The following HYCC2 variants were observed in gnomAD, a reference collection of about 807,000 sequenced individuals.
The protein encoded by HYCC2 is hyccin 2.
At chr2:200,987,043 A>G in the HYCC2 span, among the ~76,000 whole-genome samples, 1,219 of 152,354 alleles carry the variant, frequency 8.0e-3, 20 homozygotes, top group African/African-American at 0.028. Flanking sequence ...ATGTTAGAAT[A>G]AACATGCTCA....
chr2:201,042,259 T>C, the HYCC2 span, among the ~76,000 whole-genome samples: 1 of 152,056 alleles, frequency 6.6e-6, no homozygotes, highest in East Asian at 1.9e-4. Flanking sequence ...CACTCAATGC[T>C]CAATGTTGCC....
chr2:200,988,520 G>A, the HYCC2 span: 1 of 769,820 alleles, frequency 1.3e-6, no homozygotes, highest in Non-Finnish European at 2.0e-6. Context: ...TTTAAAATTT[G>A]CATTATAATG....
the HYCC2 span, chr2:200,997,471 G>A: frequency 6.2e-7 from 1 of 1,612,226 alleles, no homozygotes; most frequent in Non-Finnish European, 8.5e-7. Context: ...AAAGAGATTG[G>A]TAAGATGAGG....
the HYCC2 span, among the ~76,000 whole-genome samples, chr2:200,984,073 T>C: frequency 6.6e-6 from 1 of 152,058 alleles, no homozygotes; most frequent in Non-Finnish European, 1.5e-5. Flanking sequence ...AAGGTCTCAC[T>C]CTGTTGTATA....
chr2:200,995,017 AAAAG>A, the HYCC2 span, among the ~76,000 whole-genome samples: 4 of 151,944 alleles, frequency 2.6e-5, no homozygotes, highest in African/African-American at 2.4e-5. Flanking sequence ...AAAAAAAAAA[AAAAG>A]AAAGAAAAAA....
the HYCC2 span, among the ~76,000 whole-genome samples, chr2:201,007,922 G>A: frequency 6.6e-6 from 1 of 152,210 alleles, no homozygotes; most frequent in Non-Finnish European, 1.5e-5. Flanking sequence ...TTGATGCCAG[G>A]AGGGTAATGT....
At chr2:201,040,604 G>C in the HYCC2 span, among the ~76,000 whole-genome samples, 3 of 151,828 alleles carry the variant, frequency 2.0e-5, no homozygotes, top group Non-Finnish European at 2.9e-5. Flanking sequence ...TTCTGCCTCA[G>C]CCTCCGAGTA....
the HYCC2 span, chr2:201,063,588 A>G: frequency 6.3e-7 from 1 of 1,582,812 alleles, no homozygotes; most frequent in Non-Finnish European, 8.6e-7. Context: ...ATTCAGAAAT[A>G]CCACACTGTG....
chr2:201,005,692 T>C, the HYCC2 span, among the ~76,000 whole-genome samples: 1 of 152,222 alleles, frequency 6.6e-6, no homozygotes, highest in African/African-American at 2.4e-5. Context: ...AGGCACTTGC[T>C]AGCCAGTTTT....
chr2:201,041,938 T>C, the HYCC2 span, among the ~76,000 whole-genome samples: 49,603 of 151,920 alleles, frequency 0.33, 10,934 homozygotes, highest in African/African-American at 0.63. Flanking sequence ...TAGAATAGTC[T>C]CTCTCCCCCT....
At chr2:201,063,423 T>C in the HYCC2 span, 1 of 1,590,618 alleles carries the variant, frequency 6.3e-7, no homozygotes, top group Middle Eastern at 2.3e-4. Context: ...GTTGGTGGCA[T>C]TAAAGAAGAC....
At chr2:201,035,937 G>A in the HYCC2 span, among the ~76,000 whole-genome samples, 5 of 152,150 alleles carry the variant, frequency 3.3e-5, no homozygotes, top group African/African-American at 4.8e-5. Flanking sequence ...AACAGCAAAT[G>A]TTGCTGCCTG....
chr2:201,070,648 G>C, the HYCC2 span, among the ~76,000 whole-genome samples: 5 of 150,380 alleles, frequency 3.3e-5, no homozygotes, highest in Admixed American at 6.6e-5. Context: ...GCGAAACTCC[G>C]TCTCAAAAAA....
At chr2:200,995,616 G>C in the HYCC2 span, among the ~76,000 whole-genome samples, 1 of 152,310 alleles carries the variant, frequency 6.6e-6, no homozygotes, top group Non-Finnish European at 1.5e-5. Context: ...ATGGCTTCCA[G>C]CACACAGCTA....
At chr2:201,043,042 A>G in the HYCC2 span, among the ~76,000 whole-genome samples, 3 of 152,214 alleles carry the variant, frequency 2.0e-5, no homozygotes, top group Non-Finnish European at 4.4e-5. Flanking sequence ...GTGTCTGTGT[A>G]GAAAGAAGTA....
chr2:201,063,853 A>G, the HYCC2 span: 1 of 1,591,446 alleles, frequency 6.3e-7, no homozygotes, highest in Non-Finnish European at 8.5e-7. Flanking sequence ...GCCATTTTGG[A>G]GGTGGTGGAA....
the HYCC2 span, among the ~76,000 whole-genome samples, chr2:201,069,312 T>C: frequency 6.6e-6 from 1 of 152,206 alleles, no homozygotes; most frequent in African/African-American, 2.4e-5. Context: ...TTGTTTCAAA[T>C]TCCTTATAAA....
At chr2:201,028,645 T>C in the HYCC2 span, among the ~76,000 whole-genome samples, 2 of 152,212 alleles carry the variant, frequency 1.3e-5, no homozygotes, top group East Asian at 3.9e-4. Flanking sequence ...AACAGAGCCC[T>C]CAGAAATAAC....
chr2:201,057,944 G>A, the HYCC2 span, among the ~76,000 whole-genome samples: 7 of 152,272 alleles, frequency 4.6e-5, no homozygotes, highest in African/African-American at 1.7e-4. Context: ...CAACAGGCAC[G>A]TGAACAAAAT....
Sources: allele counts gnomAD v4.1 joint callset (sites outside exome capture counted in the v4.1 genomes callset), GRCh38; gene constraint gnomAD v4.1.1; transcripts MANE v1.5; gene names NCBI Gene and HGNC (gene_info 2026-07-23, HGNC 2026-07-21).